SLC45A2: variants seen among roughly 807,000 people sequenced by gnomAD.
The protein encoded by SLC45A2 is solute carrier family 45 member 2, also known as membrane-associated transporter protein.
A neutral mutation model predicts 45.5 loss-of-function variants in SLC45A2; 36 were observed. The observed-to-expected ratio is 0.79, with a 90% CI of 0.61 to 1.04. The LOEUF (loss-of-function observed/expected upper bound fraction) is 1.04. SLC45A2 is among the 50% of genes least tolerant of loss of function. The pLI is 0.00. For synonymous variants in SLC45A2, 306 were observed against 269.3 expected (o/e 1.14, Z -1.33); for missense variants, 719 against 671.0 (o/e 1.07, Z -0.79).
intron 2 of SLC45A2, among the ~76,000 whole-genome samples, chr5:33,979,235 G>A (rs545200834): frequency 6.6e-6 from 1 of 152,338 alleles, no homozygotes; most frequent in African/African-American, 2.4e-5. Flanking sequence ...GGTCTGGAAA[G>A]GCAGGACAAA....
rs370365933 is a variant in SLC45A2 at position 33,951,701 on chromosome 5, T to C, written c.1033-24A>G. On this transcript the variant is annotated intron_variant, in intron 4 of 6. Coordinates refer to ENST00000296589, the MANE Select transcript of SLC45A2 (RefSeq NM_016180.5). ...ATCTGAAAGAGAGATTGGAGGCTGTTGAGGTACAAATGCAATGTAGTAAGA... is the reference window on the plus strand; with the variant it reads ...ATCTGAAAGAGAGATTGGAGGCTGTCGAGGTACAAATGCAATGTAGTAAGA... 8 of 1,613,988 alleles carry C rather than the reference T, an allele frequency of 5.0e-6. No individual in the cohort carries two copies. The African/African-American group carries it at 5.3e-5, about 11-fold the overall frequency.
At chr5:33,962,114 C>T (rs867545653) in intron 3 of SLC45A2, among the ~76,000 whole-genome samples, 3 of 152,160 alleles carry the variant, frequency 2.0e-5, no homozygotes, top group Non-Finnish European at 4.4e-5. Context: ...CAAATCCTAT[C>T]TTGGTGCCTT....
At chr5:33,976,930 T>C (rs1394496097) in intron 2 of SLC45A2, among the ~76,000 whole-genome samples, 1 of 145,006 alleles carries the variant, frequency 6.9e-6, no homozygotes, top group Non-Finnish European at 1.5e-5. Flanking sequence ...AAGGGCTCAA[T>C]TATGGGCTCA....
At chr5:33,953,194 A>C (rs1049608590) in intron 4 of SLC45A2, among the ~76,000 whole-genome samples, 10 of 149,180 alleles carry the variant, frequency 6.7e-5, no homozygotes, top group South Asian at 2.1e-4. Context: ...ATTTATAGTC[A>C]TTTGGGTATA....
chr5:33,967,950 T>C (rs1436763471), intron 2 of SLC45A2, among the ~76,000 whole-genome samples: 9 of 150,042 alleles, frequency 6.0e-5, no homozygotes, highest in Non-Finnish European at 8.8e-5. Context: ...CACTCTCTTA[T>C]CTTAGGGAAG....
chr5:33,962,158 G>A (rs1369747318), intron 3 of SLC45A2, among the ~76,000 whole-genome samples: 2 of 152,064 alleles, frequency 1.3e-5, no homozygotes, highest in Admixed American at 6.6e-5. Flanking sequence ...TTGTTTTATA[G>A]CATTTACCAT....
chr5:33,977,363 C>T (rs2112002266), intron 2 of SLC45A2, among the ~76,000 whole-genome samples: 1 of 152,350 alleles, frequency 6.6e-6, no homozygotes, highest in Admixed American at 6.5e-5. Flanking sequence ...TCAACTGCAG[C>T]CTCAATGGTC....
intron 2 of SLC45A2, among the ~76,000 whole-genome samples, chr5:33,976,576 G>A (rs898972492): frequency 6.6e-6 from 1 of 152,134 alleles, no homozygotes; most frequent in Admixed American, 6.5e-5. Flanking sequence ...CCAAGGATGG[G>A]GTGGAGGTTG....
intron 6 of SLC45A2, chr5:33,945,941 G>A (rs1751910449): frequency 2.0e-6 from 2 of 983,280 alleles, no homozygotes; most frequent in African/African-American, 1.7e-5. Flanking sequence ...AACACGTTGG[G>A]GCTGGAGGGA....
At chr5:33,976,604 G>A (rs1330462604) in intron 2 of SLC45A2, among the ~76,000 whole-genome samples, 1 of 152,138 alleles carries the variant, frequency 6.6e-6, no homozygotes, top group Non-Finnish European at 1.5e-5. Context: ...GAGGGGGGTG[G>A]GGGAGATTTT....
At chr5:33,971,106 G>GT (rs1182415557) in intron 2 of SLC45A2, 1 of 525,162 alleles carries the variant, frequency 1.9e-6, no homozygotes, top group African/African-American at 1.9e-5. Flanking sequence ...TGTGTTGGGA[G>GT]TTGTCGTCGA....
chr5:33,946,279 G>T (rs1184233168), intron 6 of SLC45A2: 2 of 985,292 alleles, frequency 2.0e-6, no homozygotes, highest in Non-Finnish European at 2.4e-6. Flanking sequence ...TTTTTGAAAG[G>T]TTTTTACTCC....
At chr5:33,966,766 T>G (rs1441595704) in intron 2 of SLC45A2, among the ~76,000 whole-genome samples, 1 of 152,224 alleles carries the variant, frequency 6.6e-6, no homozygotes, top group African/African-American at 2.4e-5. Flanking sequence ...ATGAAAGTTA[T>G]AAGAGTTCAA....
intron 3 of SLC45A2, among the ~76,000 whole-genome samples, chr5:33,963,258 G>C (rs892210958): frequency 2.0e-5 from 3 of 152,122 alleles, no homozygotes; most frequent in Admixed American, 6.5e-5. Context: ...CGCTGAAAAT[G>C]AACGAAAATA....
intron 6 of SLC45A2, chr5:33,945,935 C>T (rs976199180): frequency 3.2e-5 from 31 of 981,460 alleles, no homozygotes; most frequent in South Asian, 4.7e-5. Context: ...AGTGGTAACA[C>T]GTTGGGGCTG....
intron 3 of SLC45A2, among the ~76,000 whole-genome samples, chr5:33,960,482 A>T (rs988081125): frequency 2.6e-5 from 4 of 152,176 alleles, no homozygotes; most frequent in Non-Finnish European, 5.9e-5. Context: ...ATTGAAGAAT[A>T]TTATTCTAAG....
At chr5:33,949,091 C>A (rs1410341038) in intron 5 of SLC45A2, among the ~76,000 whole-genome samples, 2 of 152,162 alleles carry the variant, frequency 1.3e-5, no homozygotes, top group Non-Finnish European at 2.9e-5. Context: ...TAGGCCATAT[C>A]TTAGTACTCA....
Position 33,944,763 on chromosome 5 carries a change from C to T in SLC45A2, c.1478G>A (p.Gly493Asp), listed in dbSNP as rs753516616. The change falls in exon 7 of 7, where the codon GGC becomes GAC. Residue 493 changes from glycine to aspartate, a missense_variant. Coordinates refer to ENST00000296589, the MANE Select transcript of SLC45A2 (RefSeq NM_016180.5). ...GGCTGTGTTGACCAGAAAGCCCAGGCCACCTCCGACCAGGATCTGAGCCAG... is the reference window on the plus strand; with the variant it reads ...GGCTGTGTTGACCAGAAAGCCCAGGTCACCTCCGACCAGGATCTGAGCCAG... The part of the protein sequence containing the change: ...VQLAQILVGG[G>D]LGFLVNTAGT... The T allele has an allele frequency of 1.2e-6, 2 of 1,614,228 alleles. No homozygotes were observed. Among genetic ancestry groups the T allele is most frequent in the Non-Finnish European group, 1.7e-6 (2 of 1,180,050 alleles).
In SLC45A2 at chr5:33,963,899, G is replaced by C. The variant is rs564958109; in HGVS notation, c.680C>G (p.Thr227Ser). 9.9e-6 allele frequency: 16 copies of C among 1,614,134 alleles called. 1 individual carries two copies. In the South Asian group the frequency reaches 1.6e-4, roughly 17 times the overall value. Residue 227 changes from threonine (T) to serine (S), a missense_variant, in exon 3 of 7, where the codon ACT becomes AGT. Physicochemically the swap from Thr to Ser is moderately conservative, Grantham distance 58. Transcript: ENST00000296589. ...VMFFFSALVL[T>S]LCFTVHLCSI... Reference sequence around the variant, plus strand: ...GCACAGATGAACAGTAAAACACAAAGTGAGCACCAATGCAGAGAAGAAGAA... The same window carrying C: ...GCACAGATGAACAGTAAAACACAAACTGAGCACCAATGCAGAGAAGAAGAA...
Sources: allele counts gnomAD v4.1 joint callset (sites outside exome capture counted in the v4.1 genomes callset), GRCh38; gene constraint gnomAD v4.1.1; transcripts MANE v1.5; gene names NCBI Gene and HGNC (gene_info 2026-07-23, HGNC 2026-07-21).